SYN3: variants seen among roughly 807,000 people sequenced by gnomAD.
The protein encoded by SYN3 is synapsin III.
In SYN3, 35 loss-of-function variants were observed where a neutral mutation model predicts 65.8. The observed-to-expected ratio is 0.53, with a 90% CI of 0.41 to 0.70. The LOEUF (loss-of-function observed/expected upper bound fraction) is 0.70. SYN3 is among the 30% of genes least tolerant of loss of function. SYN3 has a pLI of 0.00. For missense variants in SYN3, 680 were observed against 749.0 expected, an observed-to-expected ratio of 0.91 and a Z score of 1.08; for synonymous variants, 270 against 292.9, an observed-to-expected ratio of 0.92 and a Z score of 0.80.
In SYN3 at chr22:32,532,660, G is replaced by A. The variant is rs1481963599; in HGVS notation, c.1095+1133C>T. Among the ~76,000 whole-genome samples the A allele has an allele frequency of 2.2e-5, 3 of 139,286 alleles. No individual in the cohort carries two copies. The East Asian group carries it at 5.8e-4, about 27-fold the overall frequency. The allele number at this position is 139,286 out of a possible 152,430, so 91.4% of individuals were successfully genotyped here. On this transcript the variant is annotated intron_variant, in intron 10 of 13. Transcript: ENST00000358763. Reference sequence around the variant, plus strand: ...GTGAACACCCTCCTGGCATGACTGGGCTCCCACCCACTGAGTCACCTGGTC... The same window carrying A: ...GTGAACACCCTCCTGGCATGACTGGACTCCCACCCACTGAGTCACCTGGTC...
intron 6 of SYN3, among the ~76,000 whole-genome samples, chr22:32,620,812 C>T (rs986249424): frequency 5.3e-5 from 8 of 152,038 alleles, no homozygotes; most frequent in African/African-American, 9.7e-5. Context: ...CTCCGCCTCC[C>T]GGGTTCAAGG....
At chr22:32,873,707 G>A (rs1034514820) in intron 4 of SYN3, among the ~76,000 whole-genome samples, 6 of 152,176 alleles carry the variant, frequency 3.9e-5, no homozygotes, top group African/African-American at 1.4e-4. Flanking sequence ...GGAGTGGCCA[G>A]CTACACTGAA....
At chr22:32,878,825 G>GAGGAGGGAGAAACC (rs1255073929) in intron 4 of SYN3, among the ~76,000 whole-genome samples, 3 of 152,182 alleles carry the variant, frequency 2.0e-5, no homozygotes, top group Non-Finnish European at 4.4e-5. Flanking sequence ...TGTGGAGGAT[G>GAGGAGGGAGAAACC]AGGAGGGAGA....
chr22:32,951,649 G>A lies in SYN3; in HGVS notation c.370-20168C>T, dbSNP rs151105713. The stretch of plus-strand genomic sequence containing the variant: ...AGGAAGCACAGAGACTGTTCCCCAA[G>A]TTCCACCCTGGAAATTATGTCAGCT... On this transcript the variant is annotated intron_variant, in intron 3 of 13. Transcript: ENST00000358763. 3.6e-3 allele frequency among the ~76,000 whole-genome samples: 554 copies of A among 152,286 alleles called. 3 individuals carry two copies. The highest frequency in any genetic ancestry group is 0.013 in the African/African-American group (530 of 41,562).
At chr22:32,722,804 C>T (rs1056356259) in intron 6 of SYN3, among the ~76,000 whole-genome samples, 1 of 152,222 alleles carries the variant, frequency 6.6e-6, no homozygotes, top group Admixed American at 6.5e-5. Flanking sequence ...CCAGTTGGAC[C>T]TTCCTTCTGG....
intron 6 of SYN3, among the ~76,000 whole-genome samples, chr22:32,636,055 C>T (rs13340089): frequency 0.099 from 14,998 of 152,048 alleles, 1,678 homozygotes; most frequent in African/African-American, 0.28. Flanking sequence ...AGAAATGAAC[C>T]ATATTTGTCA....
chr22:33,015,840 C>CTTTTTTTTTTTTTTTTTTTT (rs758927603), intron 1 of SYN3, among the ~76,000 whole-genome samples: 2 of 139,984 alleles, frequency 1.4e-5, no homozygotes, highest in African/African-American at 2.8e-5. Flanking sequence ...GGCAAATTTT[C>CTTTTTTTTTTTTTTTTTTTT]TTTTCTTTTT....
intron 1 of SYN3, among the ~76,000 whole-genome samples, chr22:33,007,300 G>T (rs2053221550): frequency 6.6e-6 from 1 of 152,138 alleles, no homozygotes; most frequent in Non-Finnish European, 1.5e-5. Context: ...CAAGTTGAAA[G>T]AACAAAACTT....
intron 4 of SYN3, among the ~76,000 whole-genome samples, chr22:32,915,457 T>C (rs957361391): frequency 1.3e-5 from 2 of 151,838 alleles, no homozygotes; most frequent in Non-Finnish European, 2.9e-5. Context: ...TGTTAAAAAA[T>C]AAAGCAGGAT....
chr22:32,945,933 A>G (rs1177656503), intron 3 of SYN3, among the ~76,000 whole-genome samples: 1 of 152,256 alleles, frequency 6.6e-6, no homozygotes, highest in Non-Finnish European at 1.5e-5. Context: ...CAACAGACAC[A>G]TGAAAAAATG....
At chr22:33,046,774 C>T (rs376138155) in intron 1 of SYN3, among the ~76,000 whole-genome samples, 2 of 137,834 alleles carry the variant, frequency 1.5e-5, no homozygotes, top group African/African-American at 2.7e-5. Flanking sequence ...AGCTGGGAGG[C>T]GGAAGTTGCA....
chr22:33,025,964 C>T (rs1485285865), intron 1 of SYN3, among the ~76,000 whole-genome samples: 1 of 152,168 alleles, frequency 6.6e-6, no homozygotes, highest in Admixed American at 6.5e-5. Flanking sequence ...TACTTGCCCT[C>T]TTGCACCTCT....
intron 3 of SYN3, among the ~76,000 whole-genome samples, chr22:32,944,307 T>C (rs2146779388): frequency 6.6e-6 from 1 of 152,186 alleles, no homozygotes; most frequent in Non-Finnish European, 1.5e-5. Context: ...TCAAAACCGC[T>C]CAACTACATG....
At chr22:32,941,226 T>C (rs1295100136) in intron 3 of SYN3, among the ~76,000 whole-genome samples, 3 of 152,228 alleles carry the variant, frequency 2.0e-5, no homozygotes, top group South Asian at 2.1e-4. Context: ...TCTATTCTTT[T>C]AGATCATCAC....
intron 6 of SYN3, among the ~76,000 whole-genome samples, chr22:32,807,361 T>TATTATATATAATATATA (rs1569239658): frequency 2.7e-5 from 3 of 110,946 alleles, no homozygotes; most frequent in African/African-American, 3.8e-5. Flanking sequence ...ATATAATATA[T>TATTATATATAATATATA]AATATATATT....
intron 6 of SYN3, among the ~76,000 whole-genome samples, chr22:32,687,591 T>G (rs2060608259): frequency 6.6e-6 from 1 of 152,198 alleles, no homozygotes; most frequent in South Asian, 2.1e-4. Flanking sequence ...TCTCTGGTCC[T>G]GTCATTCTTC....
chr22:32,954,729 G>C (rs2051395272), intron 3 of SYN3, among the ~76,000 whole-genome samples: 1 of 152,120 alleles, frequency 6.6e-6, no homozygotes, highest in East Asian at 1.9e-4. Flanking sequence ...GGCTGTTTGG[G>C]GTAAGAAGAT....
chr22:32,606,863 TTTA>T (rs2059379803), intron 6 of SYN3, among the ~76,000 whole-genome samples: 2 of 151,958 alleles, frequency 1.3e-5, no homozygotes, highest in South Asian at 4.1e-4. Flanking sequence ...TATTTATTTA[TTTA>T]TTTTTATTAT....
intron 6 of SYN3, among the ~76,000 whole-genome samples, chr22:32,864,416 A>C (rs1262555813): frequency 6.6e-6 from 1 of 152,168 alleles, no homozygotes; most frequent in African/African-American, 2.4e-5. Flanking sequence ...TCCTGAGCTA[A>C]GCCCTGCTTC....
Sources: allele counts gnomAD v4.1 joint callset (sites outside exome capture counted in the v4.1 genomes callset), GRCh38; gene constraint gnomAD v4.1.1; transcripts MANE v1.5; gene names NCBI Gene and HGNC (gene_info 2026-07-23, HGNC 2026-07-21).